PDE10A: variants seen among roughly 807,000 people sequenced by gnomAD.
The protein encoded by PDE10A is phosphodiesterase 10A, also known as cAMP and cAMP-inhibited cGMP 3',5'-cyclic phosphodiesterase 10A.
Under a neutral mutation model 97.7 loss-of-function variants are expected in PDE10A, and 39 were observed. The observed-to-expected ratio is 0.40, with a 90% CI of 0.31 to 0.52. The LOEUF is 0.52. Among genes scored for constraint, PDE10A ranks in the 20% least tolerant of loss-of-function variants. The pLI, the probability that PDE10A is intolerant of heterozygous loss-of-function variation, is 0.56. For missense variants in PDE10A, 731 were observed against 1,047.8 expected, an observed-to-expected ratio of 0.70 and a Z score of 4.17; for synonymous variants, 371 against 376.8, an observed-to-expected ratio of 0.98 and a Z score of 0.18.
intron 1 of PDE10A, among the ~76,000 whole-genome samples, chr6:165,681,599 C>T (rs1405611427): frequency 1.3e-5 from 2 of 152,178 alleles, no homozygotes; most frequent in Non-Finnish European, 2.9e-5. Flanking sequence ...CACAAGGCTA[C>T]CACTTCTTTG....
intron 1 of PDE10A, chr6:165,948,446 A>C (rs1746895040): frequency 6.6e-6 from 1 of 152,386 alleles, no homozygotes; most frequent in African/African-American, 2.4e-5. Context: ...GTCAGAGAGC[A>C]GAGGAGCTTG....
At chr6:165,864,988 T>A (rs1781000160) in intron 1 of PDE10A, among the ~76,000 whole-genome samples, 1 of 152,258 alleles carries the variant, frequency 6.6e-6, no homozygotes. Context: ...AAATATTTTT[T>A]CTATACAGTC....
Position 165,645,512 on chromosome 6 carries a change from A to C in PDE10A, c.865+16435T>G, listed in dbSNP as rs530309316. Among the ~76,000 whole-genome samples, 5 of 152,286 alleles carry C rather than the reference A, an allele frequency of 3.3e-5. No individual in the cohort carries two copies. The South Asian group carries it at 1.0e-3, about 32-fold the overall frequency. On this transcript the variant is annotated intron_variant, in intron 1 of 21. Coordinates refer to ENST00000539869, the MANE Select transcript of PDE10A (RefSeq NM_001385079.1). ...GGTGAGTTTACAGACACGCAAGCAC[A>C]TTAAATCTGGCAAAACCTACACAGT... is the stretch of plus-strand genomic sequence containing the variant.
intron 1 of PDE10A, among the ~76,000 whole-genome samples, chr6:165,796,446 T>C (rs538629674): frequency 6.6e-6 from 1 of 152,318 alleles, no homozygotes; most frequent in South Asian, 2.1e-4. Context: ...AGTCATTTGT[T>C]TCTTATCTTG....
chr6:165,376,540 G>A (rs553598966), intron 18 of PDE10A, among the ~76,000 whole-genome samples: 8 of 152,304 alleles, frequency 5.3e-5, no homozygotes, highest in South Asian at 4.1e-4. Context: ...ATCAAACAGC[G>A]TCATAAGCTG....
chr6:165,765,363 T>C lies in PDE10A; in HGVS notation c.-614-221795A>G, dbSNP rs559640309. Among the ~76,000 whole-genome samples, 9 of 152,332 alleles carry C rather than the reference T, an allele frequency of 5.9e-5. No homozygotes were observed. In the South Asian group the frequency reaches 1.0e-3, roughly 18 times the overall value. On this transcript the variant is annotated intron_variant, in intron 1 of 19. Coordinates refer to the PDE10A transcript ENST00000366882. ...CGGCGCTCCTCGGGGAGGCTCGGGC[T>C]GCACAGGAGCCCACGGAGGCGGGGG...
intron 1 of PDE10A, among the ~76,000 whole-genome samples, chr6:165,747,283 G>T (rs1389923): frequency 0.44 from 66,111 of 151,966 alleles, 17,868 homozygotes; most frequent in African/African-American, 0.76. Flanking sequence ...ATTTTTAAGT[G>T]GTAGAGATAC....
chr6:165,385,490 G>T (rs1490854300), intron 17 of PDE10A, among the ~76,000 whole-genome samples: 4 of 152,212 alleles, frequency 2.6e-5, no homozygotes, highest in African/African-American at 9.7e-5. Context: ...GCAGAAGTCA[G>T]GGGACTCAGG....
At chr6:165,981,922 C>T (rs1785032670) in intron 1 of PDE10A, among the ~76,000 whole-genome samples, 1 of 152,166 alleles carries the variant, frequency 6.6e-6, no homozygotes, top group South Asian at 2.1e-4. Context: ...ATCAATCCAG[C>T]TGATGGTGGG....
chr6:165,500,991 C>T (rs1780841719), intron 2 of PDE10A, among the ~76,000 whole-genome samples: 1 of 152,074 alleles, frequency 6.6e-6, no homozygotes, highest in South Asian at 2.1e-4. Flanking sequence ...CACATGTCTT[C>T]CTGCTGACCC....
intron 1 of PDE10A, among the ~76,000 whole-genome samples, chr6:165,893,474 A>G (rs1407857848): frequency 1.3e-5 from 2 of 152,242 alleles, no homozygotes; most frequent in Admixed American, 1.3e-4. Context: ...AATATAGTTT[A>G]AGATAGCTAT....
chr6:165,543,695 G>T, intron 1 of PDE10A, 127 bp from the exon 2 acceptor site: 2 of 669,384 alleles, frequency 3.0e-6, no homozygotes, highest in African/African-American at 1.9e-5. Context: ...GGGCTGGAAA[G>T]AGCGGGAAGG....
intron 1 of PDE10A, among the ~76,000 whole-genome samples, chr6:165,833,618 AG>A (rs1223219886): frequency 6.6e-6 from 1 of 152,236 alleles, no homozygotes; most frequent in African/African-American, 2.4e-5. Context: ...CTTCAGCATG[AG>A]GGGGGCCCAA....
intron 1 of PDE10A, among the ~76,000 whole-genome samples, chr6:165,842,882 C>T (rs1170244184): frequency 6.6e-6 from 1 of 152,202 alleles, no homozygotes; most frequent in East Asian, 1.9e-4. Flanking sequence ...CCTGAGTTAG[C>T]CTCGGACTAA....
intron 1 of PDE10A, among the ~76,000 whole-genome samples, chr6:165,555,191 G>T (rs1015669322): frequency 2.0e-5 from 3 of 152,124 alleles, no homozygotes; most frequent in Non-Finnish European, 4.4e-5. Flanking sequence ...GTAACTCAAA[G>T]GATAAAAGCT....
At chr6:165,967,671 C>T (rs965561735) in intron 1 of PDE10A, among the ~76,000 whole-genome samples, 19 of 152,190 alleles carry the variant, frequency 1.2e-4, no homozygotes, top group African/African-American at 4.3e-4. Flanking sequence ...AGAGAAGTGT[C>T]TTGGGCATTT....
At chr6:165,688,283 A>G (rs1340948501) in intron 1 of PDE10A, among the ~76,000 whole-genome samples, 3 of 152,214 alleles carry the variant, frequency 2.0e-5, no homozygotes, top group African/African-American at 7.2e-5. Context: ...CCAAGTCAAG[A>G]GATGATTGGT....
At chr6:165,713,302 A>G (rs1487446757) in intron 1 of PDE10A, among the ~76,000 whole-genome samples, 1 of 152,246 alleles carries the variant, frequency 6.6e-6, no homozygotes, top group African/African-American at 2.4e-5. Flanking sequence ...TGACTGGGGA[A>G]ATTTTCCCAA....
At chr6:165,446,888 G>A (rs1790887273) in intron 5 of PDE10A, among the ~76,000 whole-genome samples, 1 of 152,090 alleles carries the variant, frequency 6.6e-6, no homozygotes, top group African/African-American at 2.4e-5. Flanking sequence ...ACTGACCTTA[G>A]GAGTTTAGAA....
Sources: gnomAD v4.1 joint callset for allele counts (sites outside exome capture counted in the v4.1 genomes callset) on GRCh38, gnomAD v4.1.1 for gene constraint, MANE v1.5 for transcripts, NCBI Gene and HGNC (gene_info 2026-07-23, HGNC 2026-07-21) for gene names.